NOP9: variants seen among roughly 807,000 people sequenced by gnomAD.
NOP9 encodes NOP9 nucleolar protein, also known as nucleolar protein 9.
NOP9 carries 50 observed loss-of-function variants against 63.0 expected under a neutral mutation model. The ratio of observed to expected loss-of-function variants is 0.79; its 90% CI spans 0.63 to 1.00. The LOEUF (loss-of-function observed/expected upper bound fraction) is 1.00, where lower values mean the gene tolerates loss of function less well. NOP9 is among the 50% of genes least tolerant of loss of function. The pLI, the probability that NOP9 is intolerant of heterozygous loss-of-function variation, is 0.00. For missense variants in NOP9, 758 were observed against 803.0 expected (o/e 0.94, Z 0.68); for synonymous variants, 343 against 332.8 (o/e 1.03, Z -0.33).
chr14:24,297,787 A>C (rs2041279101), upstream of NOP9, among the ~76,000 whole-genome samples: 1 of 151,990 alleles, frequency 6.6e-6, no homozygotes, highest in South Asian at 2.1e-4. Context: ...ATGCTTATGG[A>C]GCTCCCTCTG....
the NOP9 span, among the ~76,000 whole-genome samples, chr14:24,288,025 T>A: frequency 6.6e-6 from 1 of 152,232 alleles, no homozygotes; most frequent in African/African-American, 2.4e-5. Flanking sequence ...TTGGGTGGTG[T>A]ACTCTGTGGC....
chr14:24,303,647 T>G lies in NOP9; in HGVS notation c.1285-85T>G, dbSNP rs924192674. The G allele has an allele frequency of 1.0e-5, 15 of 1,461,124 alleles. No homozygotes were observed. The Admixed American group carries it at 1.0e-4, about 10-fold the overall frequency. The allele number at this position is 1,461,124 out of a possible 1,614,324, so 90.5% of individuals were successfully genotyped here. A position where few individuals can be genotyped will look rare whatever the true frequency, so the allele number is the denominator to read the frequency against. Reference sequence around the variant, plus strand: ...AACATTCTTGTGGAGTTGGGCCTTCTTTCCTTTCCTGAAGGTGTTCCCTTA... The same window carrying G: ...AACATTCTTGTGGAGTTGGGCCTTCGTTCCTTTCCTGAAGGTGTTCCCTTA... On this transcript the variant is annotated intron_variant, in intron 6 of 9. Coordinates refer to ENST00000267425, the MANE Select transcript of NOP9 (RefSeq NM_174913.3).
At position 24,304,121 on chromosome 14, in the gene NOP9, C is replaced by A. The variant is rs374853718; in HGVS notation, c.1491C>A (p.Ser497=). ...TGCTCCAGCATCTGCTGCACTTCTCCACTCCTGGTCTTGTACTTCGAAGTC... is the reference window on the plus strand; with the variant it reads ...TGCTCCAGCATCTGCTGCACTTCTCAACTCCTGGTCTTGTACTTCGAAGTC... ...SLLLQHLLHF[S]TPGLVLRSLG... The change falls in exon 8 of 10, where the codon TCC becomes TCA. Residue 497 remains serine (S), a synonymous_variant. Coordinates refer to ENST00000267425, the MANE Select transcript of NOP9 (RefSeq NM_174913.3). 3.1e-5 allele frequency: 50 copies of A among 1,614,124 alleles called. No individual in the cohort carries two copies. Among genetic ancestry groups the A allele is most frequent in the Non-Finnish European group, 1.1e-5 (13 of 1,180,050 alleles).
chr14:24,291,988 C>T, the NOP9 span: 50 of 710,138 alleles, frequency 7.0e-5, 1 homozygote, highest in East Asian at 1.3e-3. Context: ...CTAAACCTCT[C>T]TGGGTTTCAG....
In NOP9 at chr14:24,307,534, A is replaced by G; in HGVS notation, c.*2439A>G. On this transcript the variant is annotated 3_prime_UTR_variant, in exon 10 of 10. Transcript: ENST00000267425. ...TACTGACCTGGTAGTTGAGAAGAAAAGTCAAGAAGGGGCGAGGAGGGGCTT... is the reference window on the plus strand; with the variant it reads ...TACTGACCTGGTAGTTGAGAAGAAAGGTCAAGAAGGGGCGAGGAGGGGCTT... 1 of 1,610,820 alleles carries G rather than the reference A, an allele frequency of 6.2e-7. No homozygotes were observed. The highest frequency in any genetic ancestry group is 8.5e-7 in the Non-Finnish European group (1 of 1,177,842).
Position 24,305,772 on chromosome 14 carries a change from G to A in NOP9, c.*677G>A, listed in dbSNP as rs1398820612. 1 of 1,612,664 alleles carries A rather than the reference G, an allele frequency of 6.2e-7. No individual in the cohort carries two copies. On this transcript the variant is annotated 3_prime_UTR_variant, in exon 10 of 10. Transcript: ENST00000267425. ...GGTCCAACGAAGGAGCTCCCTGAATGGCAGAGACAAGAGGAAATCAGATGA... is the reference window on the plus strand; with the variant it reads ...GGTCCAACGAAGGAGCTCCCTGAATAGCAGAGACAAGAGGAAATCAGATGA...
At chr14:24,298,965 C>T (rs758022297), upstream of NOP9, 1 of 1,608,532 alleles carries the variant, frequency 6.2e-7, no homozygotes, top group Non-Finnish European at 8.5e-7. Flanking sequence ...ACCTCCTGAG[C>T]AACAACGCGA....
chr14:24,289,554 G>GT, the NOP9 span, among the ~76,000 whole-genome samples: 1 of 152,216 alleles, frequency 6.6e-6, no homozygotes, highest in South Asian at 2.1e-4. Flanking sequence ...ATTTAGGCTG[G>GT]TAAGTGGAAG....
chr14:24,308,588 T>C lies in NOP9; in HGVS notation c.*3493T>C, dbSNP rs973559066. The C allele has an allele frequency of 6.5e-6, 1 of 153,184 alleles. No homozygotes were observed. The highest frequency in any genetic ancestry group is 1.5e-5 in the Non-Finnish European group (1 of 68,738). 9.5% of individuals were successfully genotyped at this position (153,184 alleles called of 1,614,324 possible). ...CTTAGGTCATCTTCTCTCACTTTTC[T>C]CCTTTTGCCGATTAGTGGACGTGAC... On this transcript the variant is annotated 3_prime_UTR_variant, in exon 10 of 10. Transcript: ENST00000267425.
In NOP9 at chr14:24,305,939, T is replaced by C; in HGVS notation, c.*844T>C. 4 of 1,611,924 alleles carry C rather than the reference T, an allele frequency of 2.5e-6. No homozygotes were observed. The highest frequency in any genetic ancestry group is 2.5e-6 in the Non-Finnish European group (3 of 1,178,682). ...GGGATGGGGCAGTATGACATGTTGA[T>C]TTCTGACCTGAGTACTTTCTTTGGG... On this transcript the variant is annotated 3_prime_UTR_variant, in exon 10 of 10. Coordinates refer to ENST00000267425, the MANE Select transcript of NOP9 (RefSeq NM_174913.3).
the NOP9 span, among the ~76,000 whole-genome samples, chr14:24,280,902 C>T: frequency 6.6e-6 from 1 of 152,204 alleles, no homozygotes; most frequent in South Asian, 2.1e-4. Context: ...GGAGCTTGGT[C>T]AGGGGTGGCT....
the NOP9 span, chr14:24,292,589 C>G: frequency 6.2e-7 from 1 of 1,613,534 alleles, no homozygotes; most frequent in South Asian, 1.1e-5. Context: ...GATTGTACCT[C>G]CTGAGCTATA....
intron 9 of NOP9, 32 bp from the exon 10 acceptor site, chr14:24,304,906 G>T: frequency 6.6e-7 from 1 of 1,507,692 alleles, no homozygotes; most frequent in Non-Finnish European, 8.9e-7. Flanking sequence ...TTTGAGCATG[G>T]TAGTACTAAA....
Position 24,306,604 on chromosome 14 carries a change from G to T in NOP9, c.*1509G>T. On this transcript the variant is annotated 3_prime_UTR_variant, in exon 10 of 10. Transcript: ENST00000267425. ...TTAGCTGCCCAACATCCATCAGTTG[G>T]CTCTAGACATTGGTCGATGTCCCAC... is the stretch of plus-strand genomic sequence containing the variant. The T allele has an allele frequency of 6.3e-7, 1 of 1,577,626 alleles. No individual in the cohort carries two copies. Among genetic ancestry groups the T allele is most frequent in the Non-Finnish European group, 8.7e-7 (1 of 1,150,060 alleles).
In NOP9 at chr14:24,305,241, A is replaced by G. The variant is rs1003797456; in HGVS notation, c.*146A>G. ...GAAATGTTTTTGTTAGTTTGAGGGG[A>G]AGGGTATGAAGACAGATCTCAAGGT... On this transcript the variant is annotated 3_prime_UTR_variant, in exon 10 of 10. Transcript: ENST00000267425. The G allele has an allele frequency of 3.3e-6, 3 of 897,792 alleles. No individual in the cohort carries two copies. Among genetic ancestry groups the G allele is most frequent in the Non-Finnish European group, 4.7e-6 (3 of 641,616 alleles). 55.6% of individuals were successfully genotyped at this position (897,792 alleles called of 1,614,324 possible).
Position 24,307,465 on chromosome 14 carries a change from G to A in NOP9, c.*2370G>A. ...ACGGAAAGGTCGCTGGGGTGGTGGA[G>A]CTGAGGTCCAGACCCTCCGTCCAAA... On this transcript the variant is annotated 3_prime_UTR_variant, in exon 10 of 10. Transcript: ENST00000267425. 1 of 1,614,168 alleles carries A rather than the reference G, an allele frequency of 6.2e-7. No homozygotes were observed. Among genetic ancestry groups the A allele is most frequent in the East Asian group, 2.2e-5 (1 of 44,882 alleles).
At position 24,305,487 on chromosome 14, in the gene NOP9, G is replaced by A. The variant is rs367691190; in HGVS notation, c.*392G>A. 1 of 955,144 alleles carries A rather than the reference G, an allele frequency of 1.0e-6. No homozygotes were observed. Among genetic ancestry groups the A allele is most frequent in the Non-Finnish European group, 1.6e-6 (1 of 643,258 alleles). 59.2% of individuals were successfully genotyped at this position (955,144 alleles called of 1,614,324 possible). On this transcript the variant is annotated 3_prime_UTR_variant, in exon 10 of 10. Coordinates refer to ENST00000267425, the MANE Select transcript of NOP9 (RefSeq NM_174913.3). ...GGGATGTGAGGCGTTATGCTGAAAGGTTCTGTCACGAGGGGATCAGAGGAC... is the reference window on the plus strand; with the variant it reads ...GGGATGTGAGGCGTTATGCTGAAAGATTCTGTCACGAGGGGATCAGAGGAC...
chr14:24,292,877 T>G, the NOP9 span: 357 of 1,474,206 alleles, frequency 2.4e-4, 1 homozygote, highest in Middle Eastern at 4.2e-4. Flanking sequence ...TTCTGGTGGT[T>G]GTTGTCCACT....
chr14:24,281,822 G>T, the NOP9 span, among the ~76,000 whole-genome samples: 1 of 152,276 alleles, frequency 6.6e-6, no homozygotes, highest in African/African-American at 2.4e-5. Flanking sequence ...GTGGCCAAGA[G>T]GAACTTAGGC....
Sources: gnomAD v4.1 joint callset for allele counts (sites outside exome capture counted in the v4.1 genomes callset) on GRCh38, gnomAD v4.1.1 for gene constraint, MANE v1.5 for transcripts, NCBI Gene and HGNC (gene_info 2026-07-23, HGNC 2026-07-21) for gene names.